Variants in PDE1C observed in about 807,000 individuals in gnomAD.
PDE1C encodes the protein dual specificity calcium/calmodulin-dependent 3',5'-cyclic nucleotide phosphodiesterase 1C.
A neutral mutation model predicts 93.1 loss-of-function variants in PDE1C; 62 were observed. That is an observed-to-expected ratio of 0.67 (90% CI 0.54 to 0.82). The LOEUF (loss-of-function observed/expected upper bound fraction) is 0.82. Ranked by LOEUF, PDE1C falls within the 40% of genes least tolerant of loss-of-function variation. The pLI is 0.00. For missense variants in PDE1C, 742 were observed against 884.6 expected, an observed-to-expected ratio of 0.84 and a Z score of 2.04; for synonymous variants, 325 against 310.1, an observed-to-expected ratio of 1.05 and a Z score of -0.50.
the PDE1C span, among the ~76,000 whole-genome samples, chr7:31,631,945 A>G: frequency 6.6e-6 from 1 of 152,162 alleles, no homozygotes; most frequent in South Asian, 2.1e-4. Context: ...ACCTTTGATG[A>G]CGCCGGCCGA....
the PDE1C span, among the ~76,000 whole-genome samples, chr7:31,665,831 T>C: frequency 4.6e-5 from 7 of 152,142 alleles, no homozygotes; most frequent in Non-Finnish European, 8.8e-5. Flanking sequence ...ATATAGATAA[T>C]ATATACTTTG....
the PDE1C span, among the ~76,000 whole-genome samples, chr7:31,626,210 TA>T: frequency 2.0e-5 from 3 of 152,190 alleles, no homozygotes; most frequent in Admixed American, 6.5e-5. Context: ...CAAAGTTCTT[TA>T]AAAAAGAATC....
intron 16 of PDE1C, among the ~76,000 whole-genome samples, chr7:31,793,676 GT>G (rs575969245): frequency 0.02 from 2,938 of 144,600 alleles, 93 homozygotes; most frequent in African/African-American, 0.069. Context: ...ATGGGTCCTC[GT>G]TTTTTTTTTT....
At chr7:32,297,608 C>T (rs1427595141) in intron 1 of PDE1C, among the ~76,000 whole-genome samples, 1 of 152,176 alleles carries the variant, frequency 6.6e-6, no homozygotes, top group Admixed American at 6.5e-5. Context: ...CCCACCTCTT[C>T]AAATGCTAGG....
At chr7:32,153,018 A>G (rs902188221) in intron 3 of PDE1C, among the ~76,000 whole-genome samples, 1 of 152,172 alleles carries the variant, frequency 6.6e-6, no homozygotes, top group Non-Finnish European at 1.5e-5. Context: ...ACTTTGGAAA[A>G]TATTAAGAAA....
intron 16 of PDE1C, among the ~76,000 whole-genome samples, chr7:31,807,172 G>A (rs916783350): frequency 3.9e-5 from 6 of 151,910 alleles, no homozygotes; most frequent in Admixed American, 2.0e-4. Flanking sequence ...ATGCAAAGTT[G>A]TTCATGATTA....
chr7:31,707,810 T>C, the PDE1C span: 1 of 154,108 alleles, frequency 6.5e-6, no homozygotes, highest in Non-Finnish European at 1.4e-5. Flanking sequence ...TCTCTGGTGA[T>C]GTTCCTAAGA....
At position 31,823,264 on chromosome 7, in the gene PDE1C, A is replaced by C; in HGVS notation, c.1407-16T>G. On this transcript the variant is annotated splice_polypyrimidine_tract_variant and intron_variant, in intron 13 of 17. Transcript: ENST00000396191. ...GCTATTCAAACTGGAAAACAAAAAAATCATACCAAAGAAGAGAGTTAGTGT... is the reference window on the plus strand; with the variant it reads ...GCTATTCAAACTGGAAAACAAAAAACTCATACCAAAGAAGAGAGTTAGTGT... 1 of 1,600,170 alleles carries C rather than the reference A, an allele frequency of 6.2e-7. No individual in the cohort carries two copies. Among genetic ancestry groups the C allele is most frequent in the Non-Finnish European group, 8.5e-7 (1 of 1,174,354 alleles).
intron 2 of PDE1C, among the ~76,000 whole-genome samples, chr7:31,962,954 C>G (rs1264156483): frequency 6.6e-6 from 1 of 152,190 alleles, no homozygotes; most frequent in African/African-American, 2.4e-5. Context: ...GTGACCAGGT[C>G]AACTCCCTCA....
rs150844417 is a variant in PDE1C, at chr7:32,258,349, A to T, written c.85+40302T>A. Among the ~76,000 whole-genome samples, 47 of 152,220 alleles carry T rather than the reference A, an allele frequency of 3.1e-4. 1 individual carries two copies. Among genetic ancestry groups the T allele is most frequent in the African/African-American group, 1.1e-3 (45 of 41,532 alleles). On this transcript the variant is annotated intron_variant, in intron 1 of 18. Transcript: ENST00000396193. ...TAGGCATTCAAAGCTGTGAGATGAAACTCTGCATTGGATCTGGTATCAATA... is the reference window on the plus strand; with the variant it reads ...TAGGCATTCAAAGCTGTGAGATGAATCTCTGCATTGGATCTGGTATCAATA...
At chr7:32,270,814 T>C (rs560427020) in intron 1 of PDE1C, among the ~76,000 whole-genome samples, 1 of 152,054 alleles carries the variant, frequency 6.6e-6, no homozygotes, top group South Asian at 2.1e-4. Context: ...CTCTGTTTCC[T>C]CCAATGCAAA....
chr7:32,045,277 G>C (rs1353508736), intron 2 of PDE1C, among the ~76,000 whole-genome samples: 1 of 151,850 alleles, frequency 6.6e-6, no homozygotes, highest in Non-Finnish European at 1.5e-5. Flanking sequence ...CCCAGGACTT[G>C]CACTTGCAGG....
At chr7:32,035,015 C>A (rs117553141) in intron 2 of PDE1C, among the ~76,000 whole-genome samples, 3 of 152,204 alleles carry the variant, frequency 2.0e-5, no homozygotes, top group Non-Finnish European at 4.4e-5. Flanking sequence ...TATTTAAAGG[C>A]AAAGTTTAGT....
chr7:32,142,014 C>A (rs1012599658), intron 3 of PDE1C, among the ~76,000 whole-genome samples: 1 of 152,118 alleles, frequency 6.6e-6, no homozygotes, highest in Non-Finnish European at 1.5e-5. Context: ...TGACCACACA[C>A]ATGTCTGTCG....
At chr7:31,758,139 G>A (rs1216706079) in intron 17 of PDE1C, among the ~76,000 whole-genome samples, 1 of 152,082 alleles carries the variant, frequency 6.6e-6, no homozygotes, top group Non-Finnish European at 1.5e-5. Context: ...ACACACCAGG[G>A]CCTGTCATGG....
intron 3 of PDE1C, among the ~76,000 whole-genome samples, chr7:32,079,494 CT>C (rs1317166199): frequency 1.3e-5 from 2 of 152,202 alleles, no homozygotes; most frequent in Non-Finnish European, 2.9e-5. Flanking sequence ...ATTTTTCTCT[CT>C]CATGATCCTG....
chr7:31,635,668 A>T, the PDE1C span, among the ~76,000 whole-genome samples: 3 of 152,150 alleles, frequency 2.0e-5, no homozygotes, highest in East Asian at 5.8e-4. Flanking sequence ...GGCCGTTCTC[A>T]TGCTGCTATG....
At chr7:32,421,267 C>T (rs1371204745) in intron 1 of PDE1C, among the ~76,000 whole-genome samples, 3 of 152,248 alleles carry the variant, frequency 2.0e-5, no homozygotes, top group Non-Finnish European at 4.4e-5. Flanking sequence ...GGCCTCCCCG[C>T]GGCCTTCAGC....
At chr7:32,145,944 A>T (rs1800807214) in intron 3 of PDE1C, among the ~76,000 whole-genome samples, 1 of 152,118 alleles carries the variant, frequency 6.6e-6, no homozygotes. Flanking sequence ...CTGTACCCTC[A>T]ATCTGAGAAC....
Sources: gnomAD v4.1 joint callset for allele counts (sites outside exome capture counted in the v4.1 genomes callset) on GRCh38, gnomAD v4.1.1 for gene constraint, MANE v1.5 for transcripts, NCBI Gene and HGNC (gene_info 2026-07-23, HGNC 2026-07-21) for gene names.